The following GNB4 variants were observed in gnomAD, a reference collection of about 807,000 sequenced individuals.
The protein encoded by GNB4 is G protein subunit beta 4.
Under a neutral mutation model 45.2 loss-of-function variants are expected in GNB4, and 28 were observed. That is an observed-to-expected ratio of 0.62 (90% CI 0.46 to 0.85). The LOEUF is 0.85. GNB4 is among the 40% of genes least tolerant of loss of function. The pLI is 0.00. For synonymous variants in GNB4, 132 were observed against 143.7 expected, an observed-to-expected ratio of 0.92 and a Z score of 0.58; for missense variants, 321 against 425.4, an observed-to-expected ratio of 0.75 and a Z score of 2.16.
At chr3:179,480,317 C>T in the GNB4 span, among the ~76,000 whole-genome samples, 54 of 152,264 alleles carry the variant, frequency 3.5e-4, 1 homozygote, top group African/African-American at 1.3e-3. Context: ...AATGGTGTTC[C>T]CAATGGAAAT....
intron 9 of GNB4, among the ~76,000 whole-genome samples, chr3:179,402,051 T>C (rs565825462): frequency 4.2e-4 from 64 of 152,372 alleles, no homozygotes; most frequent in African/African-American, 1.4e-3. Context: ...CTTAAGCATA[T>C]CATTTTCGAT....
chr3:179,467,851 T>G, the GNB4 span, among the ~76,000 whole-genome samples: 1 of 152,010 alleles, frequency 6.6e-6, no homozygotes, highest in East Asian at 1.9e-4. Context: ...TGATTAATAC[T>G]GCAAAGTTAT....
At position 179,400,120 on chromosome 3, in the gene GNB4, A is replaced by G. The variant is rs887634181; in HGVS notation, c.*1093T>C. ...GGAAGAAATACTACAAAATGTTGCA[A>G]AACAGAACAAAAAGCTTAAAGGTTT... On this transcript the variant is annotated 3_prime_UTR_variant, in exon 10 of 10. Transcript: ENST00000232564. 5 of 152,250 alleles carry G rather than the reference A, an allele frequency of 3.3e-5. No homozygotes were observed. Among genetic ancestry groups the G allele is most frequent in the Admixed American group, 3.3e-4 (5 of 15,286 alleles). The allele number at this position is 152,250 out of a possible 1,614,324, so 9.4% of individuals were successfully genotyped here. A position where few individuals can be genotyped will look rare whatever the true frequency, so the allele number is the denominator to read the frequency against.
At chr3:179,412,883 A>G (rs1386202072) in intron 8 of GNB4, among the ~76,000 whole-genome samples, 1 of 152,122 alleles carries the variant, frequency 6.6e-6, no homozygotes, top group Non-Finnish European at 1.5e-5. Flanking sequence ...TTCACCAGCA[A>G]TTAAAAACCT....
chr3:179,479,588 A>G, the GNB4 span, among the ~76,000 whole-genome samples: 1 of 152,220 alleles, frequency 6.6e-6, no homozygotes, highest in Non-Finnish European at 1.5e-5. Flanking sequence ...TTGCAAAGAG[A>G]AAACACATGT....
Position 179,400,975 on chromosome 3 carries a change from G to A in GNB4, c.*238C>T. ...TGAGTACACACAACAATTCACCAAG[G>A]TTAAAATAACCCAACCCCTCAAATT... On this transcript the variant is annotated 3_prime_UTR_variant, in exon 10 of 10. Transcript: ENST00000232564. 2.5e-6 allele frequency: 1 copy of A among 401,990 alleles called. No individual in the cohort carries two copies. The highest frequency in any genetic ancestry group is 4.5e-6 in the Non-Finnish European group (1 of 223,320). 24.9% of individuals were successfully genotyped at this position (401,990 alleles called of 1,614,324 possible). A position where few individuals can be genotyped will look rare whatever the true frequency, so the allele number is the denominator to read the frequency against.
At chr3:179,484,598 TTTTTTTTGCA>T in the GNB4 span, among the ~76,000 whole-genome samples, 1 of 152,046 alleles carries the variant, frequency 6.6e-6, no homozygotes, top group African/African-American at 2.4e-5. Context: ...GTGCCATTTT[TTTTTTTTGCA>T]TTTTTGTGCT....
chr3:179,436,661 A>T (rs1715459034), intron 1 of GNB4, among the ~76,000 whole-genome samples: 1 of 152,188 alleles, frequency 6.6e-6, no homozygotes, highest in Non-Finnish European at 1.5e-5. Flanking sequence ...CCATACAAAG[A>T]CATCTCCACG....
At chr3:179,500,992 G>T in the GNB4 span, among the ~76,000 whole-genome samples, 1 of 152,246 alleles carries the variant, frequency 6.6e-6, no homozygotes, top group Admixed American at 6.5e-5. Context: ...GAGATGATGG[G>T]GTTTTCTAAA....
rs1265535224 is a variant in GNB4, at chr3:179,400,075, A to T, written c.*1138T>A. On this transcript the variant is annotated 3_prime_UTR_variant, in exon 10 of 10. Coordinates refer to ENST00000232564, the MANE Select transcript of GNB4 (RefSeq NM_021629.4). ...TTTGAAGCAAAACCACTTAGAAACC[A>T]GTATTTTGTGCTAAGGAAGGGAAGA... is the stretch of plus-strand genomic sequence containing the variant. 6.6e-6 allele frequency: 1 copy of T among 152,252 alleles called. No homozygotes were observed. Among genetic ancestry groups the T allele is most frequent in the African/African-American group, 2.4e-5 (1 of 41,472 alleles). 9.4% of individuals were successfully genotyped at this position (152,252 alleles called of 1,614,324 possible). A position where few individuals can be genotyped will look rare whatever the true frequency, so the allele number is the denominator to read the frequency against.
chr3:179,429,459 A>T (rs2108606697), intron 1 of GNB4, among the ~76,000 whole-genome samples: 1 of 152,346 alleles, frequency 6.6e-6, no homozygotes, highest in East Asian at 1.9e-4. Flanking sequence ...GCTTGTAAGT[A>T]GGTAAAGATC....
chr3:179,488,614 G>A, the GNB4 span, among the ~76,000 whole-genome samples: 3 of 152,008 alleles, frequency 2.0e-5, no homozygotes, highest in Non-Finnish European at 4.4e-5. Flanking sequence ...ATTTGAAATC[G>A]AAAATGCTCT....
the GNB4 span, among the ~76,000 whole-genome samples, chr3:179,495,366 A>G: frequency 6.6e-6 from 1 of 151,998 alleles, no homozygotes; most frequent in Non-Finnish European, 1.5e-5. Context: ...GGTTCCACCT[A>G]CTTGGGGGGC....
intron 9 of GNB4, among the ~76,000 whole-genome samples, chr3:179,404,031 A>G (rs982478542): frequency 1.3e-5 from 2 of 152,118 alleles, no homozygotes; most frequent in African/African-American, 4.8e-5. Context: ...ACCCAGCACA[A>G]TGAACGAAAA....
the GNB4 span, among the ~76,000 whole-genome samples, chr3:179,459,437 C>A: frequency 6.6e-6 from 1 of 152,162 alleles, no homozygotes; most frequent in Non-Finnish European, 1.5e-5. Flanking sequence ...AATCCCAGCA[C>A]TTTGGGAGGC....
At chr3:179,408,221 A>C (rs6767235) in intron 8 of GNB4, among the ~76,000 whole-genome samples, 2,587 of 152,314 alleles carry the variant, frequency 0.017, 68 homozygotes, top group African/African-American at 0.059. Flanking sequence ...ATCAGTTGAA[A>C]AAAACAGAAA....
At chr3:179,458,754 G>T in the GNB4 span, among the ~76,000 whole-genome samples, 1 of 151,904 alleles carries the variant, frequency 6.6e-6, no homozygotes. Flanking sequence ...TCTTTTTATT[G>T]TTCTATTATT....
the GNB4 span, among the ~76,000 whole-genome samples, chr3:179,481,620 G>T: frequency 2.0e-5 from 3 of 152,276 alleles, no homozygotes; most frequent in East Asian, 1.9e-4. Flanking sequence ...CATTATAGGG[G>T]TGATCCACTG....
At position 179,430,071 on chromosome 3, in the gene GNB4, G is replaced by GAGACAGAC. The variant is rs3086948; in HGVS notation, c.-42-3837_-42-3830dup. Among the ~76,000 whole-genome samples the GAGACAGAC allele has an allele frequency of 4.5e-3, 647 of 142,352 alleles. 3 individuals carry two copies. Among genetic ancestry groups the GAGACAGAC allele is most frequent in the East Asian group, 0.018 (85 of 4,638 alleles). The allele number at this position is 142,352 out of a possible 152,430, so 93.4% of individuals were successfully genotyped here. A position where few individuals can be genotyped will look rare whatever the true frequency, so the allele number is the denominator to read the frequency against. ...CTTGTGTGTGTGTGTGACTGAGAGA[G>GAGACAGAC]AGACAGACAGACAGACAGACAGACA... On this transcript the variant is annotated intron_variant, in intron 1 of 9. Coordinates refer to ENST00000232564, the MANE Select transcript of GNB4 (RefSeq NM_021629.4).
Sources: allele counts gnomAD v4.1 joint callset (sites outside exome capture counted in the v4.1 genomes callset), GRCh38; gene constraint gnomAD v4.1.1; transcripts MANE v1.5; gene names NCBI Gene and HGNC (gene_info 2026-07-23, HGNC 2026-07-21).